The following CNTN5 variants were observed in gnomAD, a reference collection of about 807,000 sequenced individuals.
CNTN5 encodes contactin-5.
A neutral mutation model predicts 129.1 loss-of-function variants in CNTN5; 77 were observed. That is an observed-to-expected ratio of 0.60 (90% CI 0.50 to 0.72). The LOEUF (loss-of-function observed/expected upper bound fraction) is 0.72. Among genes scored for constraint, CNTN5 ranks in the 30% least tolerant of loss-of-function variants. The probability of loss-of-function intolerance (pLI) is 0.00; values close to 1 mark genes in which losing one functional copy is unlikely to be tolerated. For missense variants in CNTN5, 1,478 were observed against 1,328.8 expected, an observed-to-expected ratio of 1.11 and a Z score of -1.75; for synonymous variants, 509 against 465.6, an observed-to-expected ratio of 1.09 and a Z score of -1.20.
At chr11:99,496,935 G>A (rs1367543954) in intron 2 of CNTN5, among the ~76,000 whole-genome samples, 1 of 152,170 alleles carries the variant, frequency 6.6e-6, no homozygotes, top group East Asian at 1.9e-4. Context: ...AAATAAATTA[G>A]GCTTTTAATA....
intron 1 of CNTN5, among the ~76,000 whole-genome samples, chr11:99,084,885 C>A (rs574054045): frequency 6.6e-6 from 1 of 152,024 alleles, no homozygotes; most frequent in African/African-American, 2.4e-5. Flanking sequence ...ATTTTGATCA[C>A]GGCAGAACTT....
chr11:99,740,184 TAA>T (rs1231106743), intron 3 of CNTN5, among the ~76,000 whole-genome samples: 2 of 152,154 alleles, frequency 1.3e-5, no homozygotes, highest in African/African-American at 4.8e-5. Context: ...TTTTTGTTAT[TAA>T]CTAGGCATAT....
intron 8 of CNTN5, among the ~76,000 whole-genome samples, chr11:99,970,645 C>A (rs1334957702): frequency 1.9e-4 from 29 of 152,104 alleles, no homozygotes; most frequent in Admixed American, 1.9e-3. Flanking sequence ...CCTATAATTC[C>A]CACAGCATTT....
chr11:99,205,955 G>A (rs1859458442), intron 1 of CNTN5, among the ~76,000 whole-genome samples: 1 of 152,062 alleles, frequency 6.6e-6, no homozygotes, highest in Non-Finnish European at 1.5e-5. Context: ...TATATGACTT[G>A]AAATTAGTCT....
At chr11:99,060,349 A>G (rs1379710280) in intron 1 of CNTN5, among the ~76,000 whole-genome samples, 2 of 152,140 alleles carry the variant, frequency 1.3e-5, no homozygotes, top group African/African-American at 2.4e-5. Context: ...TTAAATGTGC[A>G]TATGCATGCA....
intron 3 of CNTN5, among the ~76,000 whole-genome samples, chr11:99,725,710 G>A (rs891494083): frequency 2.0e-5 from 3 of 152,132 alleles, no homozygotes; most frequent in Admixed American, 6.5e-5. Context: ...TTCCTGTAGT[G>A]TATCTGCATG....
intron 2 of CNTN5, among the ~76,000 whole-genome samples, chr11:99,456,968 T>G (rs993221420): frequency 6.6e-6 from 1 of 151,974 alleles, no homozygotes; most frequent in Non-Finnish European, 1.5e-5. Context: ...TCAGGCAACG[T>G]GATAGATGCT....
At chr11:100,291,751 T>TAATAAATA (rs201648211) in intron 18 of CNTN5, among the ~76,000 whole-genome samples, 3,544 of 123,626 alleles carry the variant, frequency 0.029, 125 homozygotes, top group African/African-American at 0.083. Flanking sequence ...TAAAGTATAA[T>TAATAAATA]AATAAATAAA....
chr11:99,156,772 A>G (rs1391676473), intron 1 of CNTN5, among the ~76,000 whole-genome samples: 1 of 152,006 alleles, frequency 6.6e-6, no homozygotes, highest in Non-Finnish European at 1.5e-5. Context: ...ATGTCTACAC[A>G]TATAGTTTAT....
At chr11:99,773,803 G>C (rs995885820) in intron 3 of CNTN5, among the ~76,000 whole-genome samples, 1 of 152,030 alleles carries the variant, frequency 6.6e-6, no homozygotes, top group Non-Finnish European at 1.5e-5. Flanking sequence ...TGGAATTCAA[G>C]TTCATGAGCG....
intron 1 of CNTN5, among the ~76,000 whole-genome samples, chr11:99,202,326 A>G (rs1235821584): frequency 6.6e-6 from 1 of 152,216 alleles, no homozygotes; most frequent in African/African-American, 2.4e-5. Flanking sequence ...TGACTTTGAA[A>G]CAATTTATTT....
At chr11:100,013,886 T>C (rs1437307837) in intron 9 of CNTN5, among the ~76,000 whole-genome samples, 1 of 152,226 alleles carries the variant, frequency 6.6e-6, no homozygotes. Context: ...TTTTTAAATC[T>C]ATCATAGTAC....
chr11:99,521,866 G>A (rs2135440780), intron 2 of CNTN5, among the ~76,000 whole-genome samples: 1 of 152,216 alleles, frequency 6.6e-6, no homozygotes, highest in South Asian at 2.1e-4. Context: ...TAATTAGCTG[G>A]GGATGAGTTT....
At chr11:99,661,261 A>G (rs1336809590) in intron 3 of CNTN5, among the ~76,000 whole-genome samples, 1 of 152,166 alleles carries the variant, frequency 6.6e-6, no homozygotes, top group Non-Finnish European at 1.5e-5. Context: ...ATTCTCCTAG[A>G]CTGAATAATA....
intron 1 of CNTN5, among the ~76,000 whole-genome samples, chr11:99,221,406 T>G (rs61893089): frequency 0.095 from 14,352 of 151,870 alleles, 1,247 homozygotes; most frequent in East Asian, 0.4. Context: ...ACCTCTGATA[T>G]TATGATTTGT....
intron 1 of CNTN5, among the ~76,000 whole-genome samples, chr11:99,092,295 T>C (rs1257084068): frequency 1.3e-5 from 2 of 152,086 alleles, no homozygotes; most frequent in African/African-American, 4.8e-5. Flanking sequence ...TAAGTATACC[T>C]CATTTATTGT....
chr11:99,969,902 C>T (rs1565736830), intron 8 of CNTN5, among the ~76,000 whole-genome samples: 1 of 152,140 alleles, frequency 6.6e-6, no homozygotes, highest in Non-Finnish European at 1.5e-5. Flanking sequence ...TCCTCACCCC[C>T]ATGATATTTT....
At chr11:100,001,348 A>G (rs919512633) in intron 8 of CNTN5, among the ~76,000 whole-genome samples, 11 of 152,296 alleles carry the variant, frequency 7.2e-5, no homozygotes, top group African/African-American at 2.2e-4. Context: ...ATCTACCTCC[A>G]TGATCCAGTC....
In CNTN5 at chr11:99,399,083, T is replaced by C. The variant is rs141378191; in HGVS notation, c.-71+73599T>C. 1.9e-4 allele frequency among the ~76,000 whole-genome samples: 29 copies of C among 151,906 alleles called. No individual in the cohort carries two copies. In the East Asian group the frequency reaches 4.8e-3, roughly 25 times the overall value. On this transcript the variant is annotated intron_variant, in intron 2 of 24. Transcript: ENST00000524871. ...CATATCACTCTGATAGAATTATTCA[T>C]CTGAGACAGCATTTAACATTTAATT...
Sources: allele counts gnomAD v4.1 joint callset (sites outside exome capture counted in the v4.1 genomes callset), GRCh38; gene constraint gnomAD v4.1.1; transcripts MANE v1.5; gene names NCBI Gene and HGNC (gene_info 2026-07-23, HGNC 2026-07-21).